The following TMEM244 variants were observed in gnomAD, a reference collection of about 807,000 sequenced individuals.
TMEM244 encodes the protein transmembrane protein 244.
Under a neutral mutation model 15.8 loss-of-function variants are expected in TMEM244, and 13 were observed. That is an observed-to-expected ratio of 0.82 (90% CI 0.53 to 1.30). The LOEUF (loss-of-function observed/expected upper bound fraction) is 1.30, where lower values mean the gene tolerates loss of function less well. TMEM244 is among the 50% of genes most tolerant of loss of function. TMEM244 has a pLI of 0.00. For missense variants in TMEM244, 161 were observed against 144.9 expected, an observed-to-expected ratio of 1.11 and a Z score of -0.57; for synonymous variants, 45 against 48.7, an observed-to-expected ratio of 0.92 and a Z score of 0.32.
intron 1 of TMEM244, among the ~76,000 whole-genome samples, chr6:129,851,657 C>T (rs9492402): frequency 0.018 from 2,751 of 152,178 alleles, 99 homozygotes; most frequent in African/African-American, 0.064. Flanking sequence ...CAAGGACACA[C>T]CTTTATTTAG....
chr6:129,861,107 G>T, intron 1 of TMEM244, 49 bp downstream of exon 1: 1 of 1,605,882 alleles, frequency 6.2e-7, no homozygotes, highest in Non-Finnish European at 8.5e-7. Flanking sequence ...ATTTACACCA[G>T]TGCTAGGCAG....
At chr6:129,835,501 G>A (rs926171643) in intron 3 of TMEM244, among the ~76,000 whole-genome samples, 1 of 152,114 alleles carries the variant, frequency 6.6e-6, no homozygotes, top group Admixed American at 6.5e-5. Flanking sequence ...CAGAAGATGG[G>A]TGATTTCTGC....
At chr6:129,852,968 C>T (rs1435723014) in intron 1 of TMEM244, among the ~76,000 whole-genome samples, 1 of 152,142 alleles carries the variant, frequency 6.6e-6, no homozygotes, top group Non-Finnish European at 1.5e-5. Context: ...CTGGGATTCT[C>T]TTTCCAGTCT....
intron 3 of TMEM244, among the ~76,000 whole-genome samples, chr6:129,835,497 A>G (rs1776391324): frequency 6.6e-6 from 1 of 151,900 alleles, no homozygotes; most frequent in African/African-American, 2.4e-5. Flanking sequence ...GACGCAGAAG[A>G]TGGGTGATTT....
chr6:129,843,276 C>A (rs7774412), intron 3 of TMEM244, among the ~76,000 whole-genome samples: 2 of 151,722 alleles, frequency 1.3e-5, no homozygotes, highest in Non-Finnish European at 2.9e-5. Context: ...AAATTTACCC[C>A]CAATACAATG....
intron 1 of TMEM244, among the ~76,000 whole-genome samples, chr6:129,854,130 G>A (rs73778846): frequency 4.5e-4 from 69 of 152,248 alleles, no homozygotes; most frequent in African/African-American, 1.6e-3. Context: ...ATTTAAGAAG[G>A]GACTGGGAGG....
In TMEM244 at chr6:129,831,289, AT is replaced by A. The variant is rs1584177407; in HGVS notation, c.*29del. On this transcript the variant is annotated 3_prime_UTR_variant, in exon 5 of 5. Coordinates refer to ENST00000368143, the MANE Select transcript of TMEM244 (RefSeq NM_001010876.2). ...TAAAATATATTTCCACAGTTATTCT[AT>A]TTAACATTATTTCTGTGCATTAGAG... 1 of 1,219,468 alleles carries A rather than the reference AT, an allele frequency of 8.2e-7. No individual in the cohort carries two copies. 75.5% of individuals were successfully genotyped at this position (1,219,468 alleles called of 1,614,324 possible).
intron 1 of TMEM244, among the ~76,000 whole-genome samples, chr6:129,859,404 C>T (rs1384561292): frequency 1.3e-5 from 2 of 152,224 alleles, no homozygotes; most frequent in Non-Finnish European, 2.9e-5. Flanking sequence ...TGTAGAATCA[C>T]AGCAAAGGCT....
At chr6:129,836,148 C>G (rs894397837) in intron 3 of TMEM244, among the ~76,000 whole-genome samples, 1 of 152,128 alleles carries the variant, frequency 6.6e-6, no homozygotes, top group Non-Finnish European at 1.5e-5. Flanking sequence ...GACTGGGAAA[C>G]ACCTCCCAGT....
chr6:129,860,660 A>G (rs1407326794), intron 1 of TMEM244, among the ~76,000 whole-genome samples: 1 of 151,834 alleles, frequency 6.6e-6, no homozygotes, highest in Non-Finnish European at 1.5e-5. Context: ...TTTTTTTTAA[A>G]GGGGTATTTT....
At chr6:129,856,496 A>G (rs970174766) in intron 1 of TMEM244, among the ~76,000 whole-genome samples, 3 of 152,154 alleles carry the variant, frequency 2.0e-5, no homozygotes, top group Non-Finnish European at 4.4e-5. Context: ...TATCAAAGAA[A>G]CACAAGGAAA....
At chr6:129,851,398 A>T (rs1460173093) in intron 1 of TMEM244, among the ~76,000 whole-genome samples, 1 of 152,118 alleles carries the variant, frequency 6.6e-6, no homozygotes, top group Non-Finnish European at 1.5e-5. Flanking sequence ...CCTCCCAAGA[A>T]GCTGGGGTTA....
chr6:129,843,230 T>G (rs538384659), intron 3 of TMEM244, among the ~76,000 whole-genome samples: 2 of 152,266 alleles, frequency 1.3e-5, no homozygotes, highest in African/African-American at 4.8e-5. Flanking sequence ...GCACATTAAG[T>G]CATTATTCTT....
intron 1 of TMEM244, among the ~76,000 whole-genome samples, chr6:129,856,582 G>GT (rs1776713130): frequency 6.6e-6 from 1 of 152,094 alleles, no homozygotes; most frequent in Admixed American, 6.6e-5. Context: ...TTTCACAGGT[G>GT]TTGCAAATGT....
chr6:129,845,691 T>G, intron 2 of TMEM244, 76 bp downstream of exon 2: 1 of 1,066,234 alleles, frequency 9.4e-7, no homozygotes, highest in Non-Finnish European at 1.4e-6. Context: ...TAAAGACATA[T>G]GAAATGTTAA....
At chr6:129,852,535 C>T (rs540081983) in intron 1 of TMEM244, among the ~76,000 whole-genome samples, 1 of 152,192 alleles carries the variant, frequency 6.6e-6, no homozygotes, top group East Asian at 1.9e-4. Context: ...AGTACTCTGG[C>T]CCATTGAGAT....
At chr6:129,859,093 C>T (rs1776763510) in intron 1 of TMEM244, among the ~76,000 whole-genome samples, 1 of 151,972 alleles carries the variant, frequency 6.6e-6, no homozygotes, top group African/African-American at 2.4e-5. Flanking sequence ...CACGCCTGGC[C>T]GGAACCATAG....
chr6:129,837,263 C>A (rs1776422134), intron 3 of TMEM244, among the ~76,000 whole-genome samples: 2 of 152,092 alleles, frequency 1.3e-5, no homozygotes, highest in Admixed American at 6.6e-5. Flanking sequence ...GAGTGGGGGC[C>A]AATATTCAAC....
chr6:129,832,736 C>T (rs1776348318), intron 4 of TMEM244, among the ~76,000 whole-genome samples: 1 of 152,148 alleles, frequency 6.6e-6, no homozygotes, highest in South Asian at 2.1e-4. Context: ...AGAGATGTGA[C>T]TTGTCCACAA....
Sources: allele counts gnomAD v4.1 joint callset (sites outside exome capture counted in the v4.1 genomes callset), GRCh38; gene constraint gnomAD v4.1.1; transcripts MANE v1.5; gene names NCBI Gene and HGNC (gene_info 2026-07-23, HGNC 2026-07-21).